ABCB5: variants seen among roughly 807,000 people sequenced by gnomAD.
ABCB5 encodes the protein ATP-binding cassette sub-family B member 5.
ABCB5 carries 155 observed loss-of-function variants against 144.2 expected under a neutral mutation model. The observed-to-expected ratio is 1.08, with a 90% CI of 0.94 to 1.23. The LOEUF (loss-of-function observed/expected upper bound fraction) is 1.23, where lower values mean the gene tolerates loss of function less well. ABCB5 is among the 50% of genes most tolerant of loss of function. The probability of loss-of-function intolerance (pLI) is 0.00; values close to 1 mark genes in which losing one functional copy is unlikely to be tolerated. For synonymous variants in ABCB5, 610 were observed against 528.6 expected (o/e 1.15, Z -2.11); for missense variants, 1,830 against 1,520.8 (o/e 1.20, Z -3.38).
At chr7:20,738,796 G>C (rs551023795) in intron 23 of ABCB5, among the ~76,000 whole-genome samples, 187 bp from the exon 24 acceptor site, 2 of 152,322 alleles carry the variant, frequency 1.3e-5, no homozygotes, top group South Asian at 4.1e-4. Flanking sequence ...TTGGTGTACA[G>C]AGCAAGGAAT....
intron 20 of ABCB5, among the ~76,000 whole-genome samples, chr7:20,710,235 G>A (rs528562351): frequency 6.8e-6 from 1 of 146,026 alleles, no homozygotes; most frequent in African/African-American, 2.5e-5. Flanking sequence ...GGCGTGGTGG[G>A]GGGCATCTAT....
chr7:20,645,734 C>T lies in ABCB5; in HGVS notation c.679-22C>T, dbSNP rs753429380. ...ATTACTACACAGAGTCATTTTTTAACTGTGGTTGTGGTTTATTACAGATGG... is the reference window on the plus strand; with the variant it reads ...ATTACTACACAGAGTCATTTTTTAATTGTGGTTGTGGTTTATTACAGATGG... On this transcript the variant is annotated intron_variant, in intron 7 of 27. Coordinates refer to ENST00000404938, the MANE Select transcript of ABCB5 (RefSeq NM_001163941.2). The T allele has an allele frequency of 1.5e-5, 24 of 1,611,422 alleles. No individual in the cohort carries two copies. In the East Asian group the frequency reaches 4.9e-4, roughly 33 times the overall value.
chr7:20,645,642 A>T (rs1159396765), intron 7 of ABCB5, 114 bp from the exon 8 acceptor site: 22 of 1,308,270 alleles, frequency 1.7e-5, no homozygotes, highest in Non-Finnish European at 2.2e-5. Flanking sequence ...ACAGAGATAA[A>T]GTCTAAAAAA....
At position 20,626,854 on chromosome 7, in the gene ABCB5, GGTGTGTGTGT is replaced by G. The variant is rs370537783; in HGVS notation, c.108+272_108+281del. ...CTCAGTGTTTTAAAAGTGTTTTTGG[GGTGTGTGTGT>G]GTGTGTGTGTGTGTGTGTGTGTGTG... On this transcript the variant is annotated intron_variant, in intron 3 of 27. Transcript: ENST00000404938. Among the ~76,000 whole-genome samples the G allele has an allele frequency of 1.1e-3, 165 of 143,744 alleles. No individual in the cohort carries two copies. In the Middle Eastern group the frequency reaches 0.014, roughly 12 times the overall value. The allele number at this position is 143,744 out of a possible 152,430, so 94.3% of individuals were successfully genotyped here. A position where few individuals can be genotyped will look rare whatever the true frequency, so the allele number is the denominator to read the frequency against.
chr7:20,645,787 G>T lies in ABCB5; in HGVS notation c.710G>T (p.Ser237Ile). The change falls in exon 8 of 28, where the codon AGT becomes ATT. Residue 237 changes from serine to isoleucine, a missense_variant. Physicochemically the swap from Ser to Ile is moderately radical, Grantham distance 142. Coordinates refer to ENST00000404938, the MANE Select transcript of ABCB5 (RefSeq NM_001163941.2). ...MVISLTSKEL[S>I]AYSKAGAVAE... ...ATCTCATTGACCAGTAAGGAATTAA[G>T]TGCCTATTCCAAAGCTGGGGCTGTG... is the stretch of plus-strand genomic sequence containing the variant. 6.2e-7 allele frequency: 1 copy of T among 1,613,838 alleles called. No individual in the cohort carries two copies. Among genetic ancestry groups the T allele is most frequent in the African/African-American group, 1.3e-5 (1 of 75,062 alleles).
At position 20,667,640 on chromosome 7, in the gene ABCB5, T is replaced by G. The variant is rs528056173; in HGVS notation, c.1707+8964T>G. On this transcript the variant is annotated intron_variant, in intron 14 of 27. Transcript: ENST00000404938. ...GGCTTCATGAATAAGATTTGAGATC[T>G]GTTTGCTTTTGGAAAATAACATTCG... is the stretch of plus-strand genomic sequence containing the variant. 4.9e-6 allele frequency: 4 copies of G among 820,598 alleles called. No individual in the cohort carries two copies. In the South Asian group the frequency reaches 2.2e-4, roughly 46 times the overall value. 50.8% of individuals were successfully genotyped at this position (820,598 alleles called of 1,614,324 possible). A position where few individuals can be genotyped will look rare whatever the true frequency, so the allele number is the denominator to read the frequency against.
intron 1 of ABCB5, among the ~76,000 whole-genome samples, chr7:20,621,200 C>G (rs1403526613): frequency 1.3e-5 from 2 of 151,910 alleles, no homozygotes; most frequent in African/African-American, 4.8e-5. Flanking sequence ...TTCATAGACC[C>G]AGTAAAACAG....
At position 20,704,968 on chromosome 7, in the gene ABCB5, T is replaced by C. The variant is rs148228787; in HGVS notation, c.2421+161T>C. ...TTAACAGGTAACTCTCAGTGAAAGATGAAAGGAAGACTTTCCGTTCTGGAT... is the reference window on the plus strand; with the variant it reads ...TTAACAGGTAACTCTCAGTGAAAGACGAAAGGAAGACTTTCCGTTCTGGAT... On this transcript the variant is annotated intron_variant, in intron 20 of 27. Transcript: ENST00000404938. Among the ~76,000 whole-genome samples the C allele has an allele frequency of 6.2e-3, 938 of 152,284 alleles. 9 individuals are homozygous for C. Among genetic ancestry groups the C allele is most frequent in the African/African-American group, 0.021 (887 of 41,566 alleles).
Position 20,704,781 on chromosome 7 carries a change from G to A in ABCB5, c.2395G>A (p.Ala799Thr), listed in dbSNP as rs746770447. The A allele has an allele frequency of 6.2e-7, 1 of 1,613,572 alleles. No homozygotes were observed. Among genetic ancestry groups the A allele is most frequent in the Non-Finnish European group, 8.5e-7 (1 of 1,179,668 alleles). Residue 799 changes from alanine to threonine, a missense_variant, in exon 20 of 28, where the codon GCC (alanine) becomes ACC (threonine). By Grantham distance (58) the Ala-to-Thr change is moderately conservative. Coordinates refer to ENST00000404938, the MANE Select transcript of ABCB5 (RefSeq NM_001163941.2). ...CACAGGAGGCTTGACAACAATATTA[G>A]CCATAGATATAGCACAAATTCAAGG... ...NSTGGLTTIL[A>T]IDIAQIQGAT...
chr7:20,647,772 G>A (rs947478381), intron 10 of ABCB5, 124 bp downstream of exon 10: 1 of 1,411,284 alleles, frequency 7.1e-7, no homozygotes, highest in East Asian at 2.5e-5. Flanking sequence ...AGTTGTTTAT[G>A]GGAAAGAGAG....
intron 5 of ABCB5, among the ~76,000 whole-genome samples, chr7:20,641,217 C>T (rs1784287866): frequency 6.6e-6 from 1 of 152,060 alleles, no homozygotes; most frequent in South Asian, 2.1e-4. Flanking sequence ...TAAGTGATAC[C>T]CTCATCACCA....
At chr7:20,657,855 G>A (rs547855906) in intron 13 of ABCB5, among the ~76,000 whole-genome samples, 2 of 152,206 alleles carry the variant, frequency 1.3e-5, no homozygotes, top group Non-Finnish European at 2.9e-5. Context: ...ATTTATCTCC[G>A]TGAAGAAATA....
rs937231244 is a variant in ABCB5, at chr7:20,655,206, A to C, written c.1537-3300A>C. Among the ~76,000 whole-genome samples, 8 of 152,090 alleles carry C rather than the reference A, an allele frequency of 5.3e-5. No individual in the cohort carries two copies. In the South Asian group the frequency reaches 1.5e-3, roughly 28 times the overall value. On this transcript the variant is annotated intron_variant, in intron 13 of 27. Coordinates refer to ENST00000404938, the MANE Select transcript of ABCB5 (RefSeq NM_001163941.2). The stretch of plus-strand genomic sequence containing the variant: ...TAAACAGCTGGGCATTTTTTGACAT[A>C]AAGTCCTGTAATCCCAGCACTTTGG...
intron 20 of ABCB5, among the ~76,000 whole-genome samples, chr7:20,711,639 A>G (rs969609001): frequency 5.4e-5 from 8 of 147,872 alleles, no homozygotes; most frequent in South Asian, 2.2e-4. Context: ...TTGTTTGTAG[A>G]TACAGGGTTT....
chr7:20,756,343 A>G lies in ABCB5; in HGVS notation c.*719A>G, dbSNP rs959301381. ...CTGTTTATGAAAACTTACTTACTTAAAATAAGAGCTACTTTTGGGCCGGGT... is the reference window on the plus strand; with the variant it reads ...CTGTTTATGAAAACTTACTTACTTAGAATAAGAGCTACTTTTGGGCCGGGT... On this transcript the variant is annotated 3_prime_UTR_variant, in exon 28 of 28. Transcript: ENST00000404938. 6.6e-6 allele frequency: 1 copy of G among 152,258 alleles called. No individual in the cohort carries two copies. The highest frequency in any genetic ancestry group is 2.4e-5 in the African/African-American group (1 of 41,426). The allele number at this position is 152,258 out of a possible 1,614,324, so 9.4% of individuals were successfully genotyped here. A position where few individuals can be genotyped will look rare whatever the true frequency, so the allele number is the denominator to read the frequency against.
chr7:20,621,500 G>A lies in ABCB5; in HGVS notation c.-21-1765G>A, dbSNP rs114436065. Reference sequence around the variant, plus strand: ...GGACCATTCTGAGTAGTAAGACTACGGTCTAGAGTAAAGAATAAAACATGG... The same window carrying A: ...GGACCATTCTGAGTAGTAAGACTACAGTCTAGAGTAAAGAATAAAACATGG... On this transcript the variant is annotated intron_variant, in intron 1 of 27. Coordinates refer to ENST00000404938, the MANE Select transcript of ABCB5 (RefSeq NM_001163941.2). Among the ~76,000 whole-genome samples, 314 of 152,122 alleles carry A rather than the reference G, an allele frequency of 2.1e-3. 1 individual carries two copies. The highest frequency in any genetic ancestry group is 7.1e-3 in the African/African-American group (296 of 41,532).
chr7:20,627,247 TA>T (rs947145149), intron 3 of ABCB5, among the ~76,000 whole-genome samples: 1 of 151,804 alleles, frequency 6.6e-6, no homozygotes, highest in African/African-American at 2.4e-5. Flanking sequence ...AAAGTCAATT[TA>T]AAAAAAACTG....
At chr7:20,631,064 A>C (rs1784026522) in intron 4 of ABCB5, among the ~76,000 whole-genome samples, 1 of 152,196 alleles carries the variant, frequency 6.6e-6, no homozygotes. Context: ...TCGTTCCTAT[A>C]AATAAAAATA....
intron 20 of ABCB5, among the ~76,000 whole-genome samples, chr7:20,715,210 A>AT (rs1222920547): frequency 1.3e-5 from 2 of 151,496 alleles, no homozygotes; most frequent in Admixed American, 6.6e-5. Context: ...TGCCCAGTTA[A>AT]TTTTTTTGTA....
Sources: gnomAD v4.1 joint callset for allele counts (sites outside exome capture counted in the v4.1 genomes callset) on GRCh38, gnomAD v4.1.1 for gene constraint, MANE v1.5 for transcripts, NCBI Gene and HGNC (gene_info 2026-07-23, HGNC 2026-07-21) for gene names.